Variants in MAP3K14 observed in about 807,000 individuals in gnomAD.
MAP3K14 encodes mitogen-activated protein kinase kinase kinase 14, also known as NF-kappa-beta-inducing kinase.
Under a neutral mutation model 99.2 loss-of-function variants are expected in MAP3K14, and 16 were observed. That is an observed-to-expected ratio of 0.16 (90% confidence interval 0.11 to 0.24). The LOEUF (loss-of-function observed/expected upper bound fraction) is 0.24, where lower values mean the gene tolerates loss of function less well. MAP3K14 is among the 10% of genes least tolerant of loss of function. MAP3K14 has a pLI of 1.00. For synonymous variants in MAP3K14, 462 were observed against 492.4 expected (o/e 0.94, Z 0.82); for missense variants, 784 against 1,208.7 (o/e 0.65, Z 5.21).
intron 9 of MAP3K14, among the ~76,000 whole-genome samples, chr17:45,271,720 C>T (rs2044144017): frequency 6.6e-6 from 1 of 152,182 alleles, no homozygotes; most frequent in Admixed American, 6.5e-5. Context: ...GGGGACTCTG[C>T]TGGGAACTTG....
intron 6 of MAP3K14, among the ~76,000 whole-genome samples, chr17:45,277,411 G>A (rs2044189259): frequency 6.6e-6 from 1 of 152,156 alleles, no homozygotes; most frequent in African/African-American, 2.4e-5. Flanking sequence ...GCTTGGAAGC[G>A]ATCTTCACAG....
Position 45,264,766 on chromosome 17 carries a change from T to C in MAP3K14, c.2714A>G (p.Asp905Gly). ...PAAAFSLVTK[D>G]GQPVRYDMEV... is the part of the protein sequence containing the mutation. ...CATGTCGTAGCGAACAGGCTGCCCG[T>C]CTTTGGTGACCAAGCTGAAGGCTGC... Residue 905 changes from aspartate to glycine, a missense_variant, in exon 16 of 16, where the codon GAC becomes GGC. This residue lies in a region of MAP3K14 where 130 missense variants were observed against 220.4 expected (regional missense o/e 0.59). Coordinates refer to ENST00000344686, the MANE Select transcript of MAP3K14 (RefSeq NM_003954.5). 1 of 1,613,472 alleles carries C rather than the reference T, an allele frequency of 6.2e-7. No individual in the cohort carries two copies. The highest frequency in any genetic ancestry group is 1.3e-5 in the African/African-American group (1 of 75,026).
chr17:45,284,783 C>G (rs1456437997), intron 6 of MAP3K14, 29 bp downstream of exon 6: 1 of 1,571,250 alleles, frequency 6.4e-7, no homozygotes, highest in Non-Finnish European at 8.6e-7. Flanking sequence ...TGGCTTCCCT[C>G]TTCACTCAGC....
chr17:45,287,066 A>G (rs756860828), intron 4 of MAP3K14, 21 bp from the exon 5 acceptor site: 1 of 1,608,152 alleles, frequency 6.2e-7, no homozygotes, highest in African/African-American at 1.3e-5. Flanking sequence ...AAACACAGCT[A>G]TCAGCACAGA....
intron 6 of MAP3K14, among the ~76,000 whole-genome samples, chr17:45,278,461 G>A (rs1456758329): frequency 2.0e-5 from 3 of 152,114 alleles, no homozygotes; most frequent in South Asian, 2.1e-4. Flanking sequence ...CCCAGGCACC[G>A]GTAAAGCCCT....
intron 6 of MAP3K14, among the ~76,000 whole-genome samples, chr17:45,283,393 CA>C (rs2044239205): frequency 6.6e-6 from 1 of 152,234 alleles, no homozygotes; most frequent in African/African-American, 2.4e-5. Context: ...TGTTGCCAGT[CA>C]GGGGTGGTGA....
rs1205937630 is a variant in MAP3K14 at position 45,271,046 on chromosome 17, G to T, written c.1821+12C>A. The T allele has an allele frequency of 6.2e-7, 1 of 1,610,216 alleles. No individual in the cohort carries two copies. Among genetic ancestry groups the T allele is most frequent in the African/African-American group, 1.3e-5 (1 of 74,878 alleles). On this transcript the variant is annotated intron_variant, in intron 10 of 15. Coordinates refer to ENST00000344686, the MANE Select transcript of MAP3K14 (RefSeq NM_003954.5). ...GCTCCCCCTGTTGGCCATGCTGGGT[G>T]CCGTCACCGACCTTGAGGCAGAGCG...
At chr17:45,266,377 A>T in intron 14 of MAP3K14, 160 bp downstream of exon 14, 1 of 884,398 alleles carries the variant, frequency 1.1e-6, no homozygotes, top group Non-Finnish European at 1.7e-6. Context: ...CCTTTGCTTG[A>T]AACCCAACTT....
chr17:45,267,005 T>C lies in MAP3K14; in HGVS notation c.2433+87A>G. 1 of 1,012,434 alleles carries C rather than the reference T, an allele frequency of 9.9e-7. No individual in the cohort carries two copies. Among genetic ancestry groups the C allele is most frequent in the Non-Finnish European group, 1.5e-6 (1 of 663,784 alleles). 62.7% of individuals were successfully genotyped at this position (1,012,434 alleles called of 1,614,324 possible). A position where few individuals can be genotyped will look rare whatever the true frequency, so the allele number is the denominator to read the frequency against. ...CACTACTTGCACAGTGTCCATTCAC[T>C]AGCTGGACGCAAAGCTACTTGCTCT... On this transcript the variant is annotated intron_variant, in intron 13 of 15. Coordinates refer to ENST00000344686, the MANE Select transcript of MAP3K14 (RefSeq NM_003954.5). This position sits in a 1 kb window ranked among gnomAD's most constrained non-coding sequence, Gnocchi z 5.1.
intron 6 of MAP3K14, among the ~76,000 whole-genome samples, chr17:45,275,750 CTT>C (rs1567990430): frequency 7.5e-6 from 1 of 133,658 alleles, no homozygotes; most frequent in Admixed American, 7.9e-5. Flanking sequence ...ATTTTTTTTT[CTT>C]TTCTTTTCTT....
At chr17:45,275,668 T>C (rs1029668469) in intron 6 of MAP3K14, among the ~76,000 whole-genome samples, 2 of 151,916 alleles carry the variant, frequency 1.3e-5, no homozygotes, top group African/African-American at 2.4e-5. Context: ...TCAACATCCA[T>C]GTCTACTCTC....
chr17:45,296,731 C>G (rs191137402), intron 1 of MAP3K14, among the ~76,000 whole-genome samples: 1 of 152,322 alleles, frequency 6.6e-6, no homozygotes, highest in East Asian at 1.9e-4. Flanking sequence ...CTTGCCCGAG[C>G]AGGGCAGCAC....
chr17:45,300,136 A>C (rs756869280), intron 1 of MAP3K14, among the ~76,000 whole-genome samples: 11 of 152,176 alleles, frequency 7.2e-5, no homozygotes, highest in Admixed American at 5.2e-4. Flanking sequence ...GTCAAACTGC[A>C]GGGTAAATAC....
chr17:45,283,340 C>T lies in MAP3K14; in HGVS notation c.1290+1472G>A, dbSNP rs34285156. On this transcript the variant is annotated intron_variant, in intron 6 of 15. Transcript: ENST00000344686. ...TCCCCCAGTGGAAGACGATGATCCA[C>T]ACTGGCAAGAACTCGGCAAGAACTC... is the stretch of plus-strand genomic sequence containing the variant. 2.2e-3 allele frequency among the ~76,000 whole-genome samples: 334 copies of T among 152,350 alleles called. 1 individual carries two copies. The Middle Eastern group carries it at 0.024, about 11-fold the overall frequency.
intron 8 of MAP3K14, 130 bp downstream of exon 8, chr17:45,273,993 A>G: frequency 1.9e-6 from 2 of 1,073,536 alleles, no homozygotes; most frequent in Non-Finnish European, 2.7e-6. Flanking sequence ...CTACAGGCAC[A>G]GTCCTGTCAG....
intron 1 of MAP3K14, among the ~76,000 whole-genome samples, chr17:45,310,064 C>T (rs1037341588): frequency 8.4e-6 from 1 of 118,406 alleles, no homozygotes; most frequent in Non-Finnish European, 1.6e-5. Flanking sequence ...GACGGAGTTT[C>T]GCTCTTGTCG....
intron 1 of MAP3K14, among the ~76,000 whole-genome samples, chr17:45,301,987 G>A (rs1437405920): frequency 6.6e-6 from 1 of 151,842 alleles, no homozygotes; most frequent in Non-Finnish European, 1.5e-5. Context: ...GTGCCACCAC[G>A]CTTGGCTAAT....
At chr17:45,294,672 G>A (rs2044334831) in intron 1 of MAP3K14, among the ~76,000 whole-genome samples, 1 of 152,190 alleles carries the variant, frequency 6.6e-6, no homozygotes, top group Admixed American at 6.5e-5. Context: ...TTCTTTAAAT[G>A]CATTCCTCCT....
At chr17:45,288,829 G>T (rs2044288618) in intron 3 of MAP3K14, among the ~76,000 whole-genome samples, 1 of 152,036 alleles carries the variant, frequency 6.6e-6, no homozygotes, top group Non-Finnish European at 1.5e-5. Flanking sequence ...TCTCCCAGGA[G>T]AAAAGGCACC....
Sources: gnomAD v4.1 joint callset for allele counts (sites outside exome capture counted in the v4.1 genomes callset) on GRCh38, gnomAD v4.1.1 for gene constraint, gnomAD v4.1.1 regional missense constraint, Gnocchi (gnomAD v3.1) non-coding constraint, MANE v1.5 for transcripts, NCBI Gene and HGNC (gene_info 2026-07-23, HGNC 2026-07-21) for gene names.